EFR3B: variants seen among roughly 807,000 people sequenced by gnomAD.
EFR3B encodes the protein protein EFR3 homolog B.
EFR3B carries 64 observed loss-of-function variants against 104.7 expected under a neutral mutation model. The ratio of observed to expected loss-of-function variants is 0.61; its 90% CI spans 0.50 to 0.75. The LOEUF is 0.75. EFR3B is among the 30% of genes least tolerant of loss of function. The pLI is 0.00. For synonymous variants in EFR3B, 385 were observed against 417.9 expected (o/e 0.92, Z 0.96); for missense variants, 750 against 1,078.5 (o/e 0.70, Z 4.27).
Position 25,156,831 on chromosome 2 carries a change from A to G in EFR3B, c.*2491A>G, listed in dbSNP as rs1380774252. 6.6e-6 allele frequency: 1 copy of G among 152,266 alleles called. No individual in the cohort carries two copies. The highest frequency in any genetic ancestry group is 1.5e-5 in the Non-Finnish European group (1 of 68,034). The allele number at this position is 152,266 out of a possible 1,614,324, so 9.4% of individuals were successfully genotyped here. On this transcript the variant is annotated 3_prime_UTR_variant, in exon 23 of 23. Coordinates refer to ENST00000403714, the MANE Select transcript of EFR3B (RefSeq NM_014971.2). ...AACTTTAAAGAAAATTGAAATCTTGAGCCACAAACATGTTCTTTCCTCACT... is the reference window on the plus strand; with the variant it reads ...AACTTTAAAGAAAATTGAAATCTTGGGCCACAAACATGTTCTTTCCTCACT...
chr2:25,064,440 G>A (rs1278514530), intron 1 of EFR3B, among the ~76,000 whole-genome samples: 2 of 152,170 alleles, frequency 1.3e-5, no homozygotes, highest in African/African-American at 2.4e-5. Context: ...GAGTAACCCT[G>A]CTTTTTATAG....
At chr2:25,066,557 G>T (rs1428422763) in intron 1 of EFR3B, among the ~76,000 whole-genome samples, 1 of 152,154 alleles carries the variant, frequency 6.6e-6, no homozygotes, top group Non-Finnish European at 1.5e-5. Flanking sequence ...ACATGTTACT[G>T]ATACTTCATC....
chr2:25,062,065 G>C (rs995630252), intron 1 of EFR3B, among the ~76,000 whole-genome samples: 1 of 152,092 alleles, frequency 6.6e-6, no homozygotes, highest in African/African-American at 2.4e-5. Flanking sequence ...TCTACACTTC[G>C]TGTAGTGAGT....
At chr2:25,125,889 T>A (rs970688580) in intron 5 of EFR3B, among the ~76,000 whole-genome samples, 2 of 152,054 alleles carry the variant, frequency 1.3e-5, no homozygotes, top group Admixed American at 6.6e-5. Context: ...CGGAGGTTGC[T>A]GTGAGCCGAG....
intron 4 of EFR3B, among the ~76,000 whole-genome samples, chr2:25,117,846 G>A (rs1289311774): frequency 1.3e-5 from 2 of 152,188 alleles, no homozygotes; most frequent in Admixed American, 6.5e-5. Context: ...GAAGCAGAAG[G>A]CAGGAATAAA....
chr2:25,094,842 T>C (rs1026424160), intron 3 of EFR3B, among the ~76,000 whole-genome samples: 1 of 152,140 alleles, frequency 6.6e-6, no homozygotes, highest in Non-Finnish European at 1.5e-5. Context: ...CAGACTGGAG[T>C]GCAGTGGCAT....
intron 1 of EFR3B, among the ~76,000 whole-genome samples, chr2:25,059,325 C>G (rs934700022): frequency 3.3e-5 from 5 of 152,064 alleles, no homozygotes; most frequent in African/African-American, 9.7e-5. Flanking sequence ...CTCAGGTGAT[C>G]CACCTGCCTG....
intron 1 of EFR3B, among the ~76,000 whole-genome samples, chr2:25,044,517 A>G (rs1376164727): frequency 1.3e-5 from 2 of 152,140 alleles, no homozygotes; most frequent in African/African-American, 2.4e-5. Context: ...TTATTTTTCC[A>G]GGGTGACAGA....
intron 1 of EFR3B, among the ~76,000 whole-genome samples, chr2:25,087,510 C>T (rs749284362): frequency 5.9e-4 from 87 of 146,992 alleles, no homozygotes; most frequent in African/African-American, 2.0e-3. Flanking sequence ...GCTGGAGTCT[C>T]GCTCTGTTGC....
intron 15 of EFR3B, among the ~76,000 whole-genome samples, chr2:25,138,309 T>C (rs1445948257): frequency 2.0e-5 from 3 of 152,252 alleles, no homozygotes; most frequent in Non-Finnish European, 4.4e-5. Context: ...TGGGGACCTG[T>C]CTACCAAGCC....
At chr2:25,121,987 G>A (rs1423503789) in intron 5 of EFR3B, among the ~76,000 whole-genome samples, 193 bp downstream of exon 5, 1 of 149,520 alleles carries the variant, frequency 6.7e-6, no homozygotes, top group African/African-American at 2.5e-5. Flanking sequence ...TTCTTTTTGA[G>A]ACCGAGTTTC....
At chr2:25,053,494 G>A (rs1037933939) in intron 1 of EFR3B, among the ~76,000 whole-genome samples, 24 of 152,232 alleles carry the variant, frequency 1.6e-4, no homozygotes, top group African/African-American at 5.3e-4. Context: ...TGGATGGGCA[G>A]TGTTCTTAGA....
In EFR3B at chr2:25,145,027, G is replaced by A. The variant is rs775848123; in HGVS notation, c.2118G>A (p.Ser706=). 19 of 1,551,754 alleles carry A rather than the reference G, an allele frequency of 1.2e-5. No homozygotes were observed. The highest frequency in any genetic ancestry group is 3.3e-4 in the Middle Eastern group (2 of 5,992). ...TCTCCCTGCAGGTGGAGGTAGAATC[G>A]AGGAACAGTCCGGAGAAGGAGGAGG... ...ETISLQVEVE[S]RNSPEKEERV... is the part of the protein sequence containing the mutation. Residue 706 remains serine (S), a synonymous_variant, in exon 19 of 23, where the codon TCG becomes TCA. Coordinates refer to ENST00000403714, the MANE Select transcript of EFR3B (RefSeq NM_014971.2).
intron 5 of EFR3B, among the ~76,000 whole-genome samples, chr2:25,123,889 G>A (rs1189553516): frequency 2.0e-5 from 3 of 152,214 alleles, no homozygotes; most frequent in African/African-American, 7.2e-5. Flanking sequence ...GCAGGATCAG[G>A]AGTTTCCTGA....
At chr2:25,082,685 C>G (rs184955234) in intron 1 of EFR3B, among the ~76,000 whole-genome samples, 2 of 152,202 alleles carry the variant, frequency 1.3e-5, no homozygotes, top group African/African-American at 4.8e-5. Context: ...CACCCCCTGC[C>G]ACCACCACCC....
intron 19 of EFR3B, chr2:25,146,085 T>G (rs1366553290): frequency 1.4e-5 from 1 of 72,938 alleles, no homozygotes; most frequent in Admixed American, 1.6e-4. Context: ...CCAAGATGTT[T>G]TTTTTTTTTT....
intron 1 of EFR3B, among the ~76,000 whole-genome samples, chr2:25,050,111 C>T: frequency 6.8e-6 from 1 of 147,324 alleles, no homozygotes; most frequent in East Asian, 2.0e-4. Context: ...GCCTGGGCAA[C>T]AAGAGTGAAA....
intron 1 of EFR3B, among the ~76,000 whole-genome samples, chr2:25,050,663 A>G (rs761894124): frequency 1.3e-5 from 2 of 152,246 alleles, no homozygotes; most frequent in Non-Finnish European, 2.9e-5. Context: ...AGAAAATCTT[A>G]GACACAAAAA....
chr2:25,121,885 C>G (rs1670026465), intron 5 of EFR3B, 91 bp downstream of exon 5: 20 of 1,512,196 alleles, frequency 1.3e-5, no homozygotes, highest in Non-Finnish European at 1.6e-5. Context: ...CATTGCGTGT[C>G]TGCTTTTGTT....
Sources: allele counts gnomAD v4.1 joint callset (sites outside exome capture counted in the v4.1 genomes callset), GRCh38; gene constraint gnomAD v4.1.1; transcripts MANE v1.5; gene names NCBI Gene and HGNC (gene_info 2026-07-23, HGNC 2026-07-21).